Variants in C1QTNF7 observed in about 807,000 individuals in gnomAD.
C1QTNF7 encodes the protein complement C1q tumor necrosis factor-related protein 7.
C1QTNF7 carries 15 observed loss-of-function variants against 19.6 expected under a neutral mutation model. The ratio of observed to expected loss-of-function variants is 0.76; its 90% CI spans 0.51 to 1.18. C1QTNF7 has a LOEUF of 1.18. Ranked by LOEUF, C1QTNF7 falls within the 50% of genes most tolerant of loss-of-function variation. The pLI is 0.00. For synonymous variants in C1QTNF7, 142 were observed against 137.5 expected, an observed-to-expected ratio of 1.03 and a Z score of -0.23; for missense variants, 324 against 359.7, an observed-to-expected ratio of 0.90 and a Z score of 0.80.
At chr4:15,416,524 A>C in intron 1 of C1QTNF7, among the ~76,000 whole-genome samples, 1 of 152,212 alleles carries the variant, frequency 6.6e-6, no homozygotes, top group East Asian at 1.9e-4. Flanking sequence ...TGGACCAGGC[A>C]GGATACAGGG....
At chr4:15,420,826 CTTTTTTTTTTTTTTTT>C (rs61609914) in intron 1 of C1QTNF7, among the ~76,000 whole-genome samples, 2 of 66,242 alleles carry the variant, frequency 3.0e-5, no homozygotes, top group African/African-American at 1.2e-4. Context: ...ACTGCTTTGT[CTTTTTTTTTTTTTTTT>C]TTTTTTTTTT....
chr4:15,438,050 T>C (rs946335900), intron 2 of C1QTNF7, among the ~76,000 whole-genome samples: 3 of 152,202 alleles, frequency 2.0e-5, no homozygotes, highest in Admixed American at 2.0e-4. Context: ...TACATCATCA[T>C]AATAACCACT....
chr4:15,442,525 T>C lies in C1QTNF7; in HGVS notation c.596T>C (p.Ile199Thr), dbSNP rs753589539. ...GGGATCTATTACTTTTCTTATGATA[T>C]CACATTGGCTAATAAGCATCTGGCA... The part of the protein sequence containing the change: ...FPGIYYFSYD[I>T]TLANKHLAIG... Residue 199 changes from isoleucine to threonine, a missense_variant, in exon 3 of 3, where the codon ATC (isoleucine) becomes ACC (threonine). Ile to Thr is a moderately conservative substitution (Grantham distance 89, BLOSUM62 -1). Coordinates refer to ENST00000444304, the MANE Select transcript of C1QTNF7 (RefSeq NM_031911.5). 4.3e-6 allele frequency: 7 copies of C among 1,614,212 alleles called. No individual in the cohort carries two copies. The Admixed American group carries it at 1.0e-4, about 23-fold the overall frequency.
intron 1 of C1QTNF7, among the ~76,000 whole-genome samples, chr4:15,350,141 G>GGGAA (rs1424549554): frequency 8.6e-6 from 1 of 115,744 alleles, no homozygotes; most frequent in Admixed American, 8.9e-5. Context: ...AAGGGAGGGA[G>GGGAA]GGAAGGAGGA....
intron 1 of C1QTNF7, among the ~76,000 whole-genome samples, chr4:15,341,177 T>C (rs1456939322): frequency 2.0e-5 from 3 of 152,236 alleles, no homozygotes; most frequent in Admixed American, 6.5e-5. Context: ...GCAAAGATTA[T>C]AAAACCCTGT....
At chr4:15,344,764 T>C (rs570617400) in intron 1 of C1QTNF7, among the ~76,000 whole-genome samples, 34 of 152,386 alleles carry the variant, frequency 2.2e-4, no homozygotes, top group Middle Eastern at 6.8e-3. Context: ...AGCAATTACA[T>C]AATAATAGTA....
At chr4:15,437,719 T>A (rs933795019) in intron 2 of C1QTNF7, among the ~76,000 whole-genome samples, 1 of 152,010 alleles carries the variant, frequency 6.6e-6, no homozygotes, top group African/African-American at 2.4e-5. Context: ...CTATCTAATA[T>A]TATTCTTCCA....
chr4:15,365,619 T>C (rs946983988), intron 1 of C1QTNF7, among the ~76,000 whole-genome samples: 6 of 152,190 alleles, frequency 3.9e-5, no homozygotes, highest in African/African-American at 1.4e-4. Context: ...CTCATGAAAC[T>C]GGGCAATCTA....
At chr4:15,354,768 G>T (rs368176712) in intron 1 of C1QTNF7, among the ~76,000 whole-genome samples, 1 of 152,106 alleles carries the variant, frequency 6.6e-6, no homozygotes. Flanking sequence ...ACAGTGATCA[G>T]AGGGAAAAAG....
chr4:15,343,930 G>T (rs1029490929), intron 1 of C1QTNF7, among the ~76,000 whole-genome samples: 3 of 152,194 alleles, frequency 2.0e-5, no homozygotes, highest in African/African-American at 7.2e-5. Flanking sequence ...AGTCTTTCAG[G>T]ACCTAAGTGG....
At chr4:15,360,850 G>A (rs1316268460) in intron 1 of C1QTNF7, among the ~76,000 whole-genome samples, 1 of 152,116 alleles carries the variant, frequency 6.6e-6, no homozygotes, top group Non-Finnish European at 1.5e-5. Flanking sequence ...TTTTCTAAAA[G>A]TCATTCACAC....
At chr4:15,381,986 T>G (rs1577247289) in intron 1 of C1QTNF7, 1 of 152,362 alleles carries the variant, frequency 6.6e-6, no homozygotes. Flanking sequence ...CTGCATCGTA[T>G]GTTTCAAAGT....
intron 1 of C1QTNF7, among the ~76,000 whole-genome samples, chr4:15,382,600 AT>A (rs1372841652): frequency 2.6e-5 from 4 of 152,190 alleles, no homozygotes; most frequent in Non-Finnish European, 4.4e-5. Flanking sequence ...TAGAAGCCCC[AT>A]TCAAAACAAT....
At chr4:15,383,132 C>A (rs1344945051) in intron 1 of C1QTNF7, among the ~76,000 whole-genome samples, 1 of 152,138 alleles carries the variant, frequency 6.6e-6, no homozygotes, top group Non-Finnish European at 1.5e-5. Context: ...GTGCTGTACC[C>A]ACATGTACTC....
chr4:15,385,195 G>T (rs1457605474), intron 1 of C1QTNF7, among the ~76,000 whole-genome samples: 1 of 152,194 alleles, frequency 6.6e-6, no homozygotes, highest in African/African-American at 2.4e-5. Flanking sequence ...ACTATTGTGG[G>T]TGCTTGGGAC....
At chr4:15,428,194 C>T (rs1712140305) in intron 1 of C1QTNF7, 88 bp downstream of exon 1, 2 of 450,416 alleles carry the variant, frequency 4.4e-6, no homozygotes, top group Non-Finnish European at 5.9e-6. Flanking sequence ...GCTTATTAAA[C>T]AGATGGCTCT....
chr4:15,389,142 G>A (rs1275662517), intron 1 of C1QTNF7, among the ~76,000 whole-genome samples: 2 of 152,206 alleles, frequency 1.3e-5, no homozygotes, highest in Non-Finnish European at 2.9e-5. Context: ...GTTTTAAGGG[G>A]CAGTAGGGAT....
intron 1 of C1QTNF7, among the ~76,000 whole-genome samples, chr4:15,386,788 G>A (rs1283350989): frequency 6.6e-6 from 1 of 152,198 alleles, no homozygotes; most frequent in Non-Finnish European, 1.5e-5. Flanking sequence ...TGCACAGCAG[G>A]CTTGAGGAGT....
intron 1 of C1QTNF7, among the ~76,000 whole-genome samples, chr4:15,397,941 A>G (rs1718849573): frequency 6.6e-6 from 1 of 152,212 alleles, no homozygotes; most frequent in Admixed American, 6.5e-5. Context: ...AAGAGCACCC[A>G]GTGGAATTAA....
Sources: allele counts gnomAD v4.1 joint callset (sites outside exome capture counted in the v4.1 genomes callset), GRCh38; gene constraint gnomAD v4.1.1; transcripts MANE v1.5; gene names NCBI Gene and HGNC (gene_info 2026-07-23, HGNC 2026-07-21).